The following NUP210 variants were observed in gnomAD, a reference collection of about 807,000 sequenced individuals.
NUP210 encodes nuclear pore membrane glycoprotein 210.
A neutral mutation model predicts 196.0 loss-of-function variants in NUP210; 151 were observed. The ratio of observed to expected loss-of-function variants is 0.77; its 90% CI spans 0.67 to 0.88. The LOEUF (loss-of-function observed/expected upper bound fraction) is 0.88, where lower values mean the gene tolerates loss of function less well. Among genes scored for constraint, NUP210 ranks in the 40% least tolerant of loss-of-function variants. The pLI, the probability that NUP210 is intolerant of heterozygous loss-of-function variation, is 0.00. For missense variants in NUP210, 2,314 were observed against 2,493.7 expected, an observed-to-expected ratio of 0.93 and a Z score of 1.53; for synonymous variants, 1,070 against 1,052.7, an observed-to-expected ratio of 1.02 and a Z score of -0.32.
intron 14 of NUP210, among the ~76,000 whole-genome samples, chr3:13,363,335 C>G (rs1053761739): frequency 3.5e-4 from 53 of 152,316 alleles, no homozygotes; most frequent in African/African-American, 1.2e-3. Context: ...ATGGCCACAA[C>G]CAATAAAACC....
intron 16 of NUP210, among the ~76,000 whole-genome samples, chr3:13,356,591 C>T (rs958239585): frequency 3.3e-5 from 5 of 151,998 alleles, no homozygotes; most frequent in Admixed American, 6.5e-5. Flanking sequence ...TGCAGTGAGC[C>T]GAGATTGCGC....
intron 20 of NUP210, among the ~76,000 whole-genome samples, chr3:13,346,325 C>A (rs1306188616): frequency 6.6e-6 from 1 of 152,236 alleles, no homozygotes; most frequent in Non-Finnish European, 1.5e-5. Flanking sequence ...CCTAACTACA[C>A]TGTGCATGCA....
intron 18 of NUP210, 118 bp from the exon 19 acceptor site, chr3:13,352,302 C>G (rs941829806): frequency 1.3e-5 from 9 of 686,804 alleles, no homozygotes; most frequent in Admixed American, 2.6e-5. Flanking sequence ...GCCCCTGGTG[C>G]TCCTGAGCCC....
At position 13,327,410 on chromosome 3, in the gene NUP210, G is replaced by A. The variant is rs1215640599; in HGVS notation, c.4314C>T (p.Gly1438=). 5.0e-6 allele frequency: 8 copies of A among 1,612,644 alleles called. No individual in the cohort carries two copies. Among genetic ancestry groups the A allele is most frequent in the Non-Finnish European group, 6.8e-6 (8 of 1,179,556 alleles). The change falls in exon 32 of 40, where the codon GGC becomes GGT. Residue 1438 remains glycine (G), a synonymous_variant. Transcript: ENST00000254508. The part of the protein sequence containing the change: ...NRDDFVQIGK[G]PTNNTCVVRT... Reference sequence around the variant, plus strand: ...GGACAACGCAGGTGTTGTTGGTGGGGCCCTTCCCGATCTGCACAAAGTCGT... The same window carrying A: ...GGACAACGCAGGTGTTGTTGGTGGGACCCTTCCCGATCTGCACAAAGTCGT...
At chr3:13,391,756 C>A (rs1699499986) in intron 3 of NUP210, among the ~76,000 whole-genome samples, 1 of 151,512 alleles carries the variant, frequency 6.6e-6, no homozygotes, top group African/African-American at 2.4e-5. Context: ...GGTGGAGGGG[C>A]ATTACCCAAA....
At position 13,317,248 on chromosome 3, in the gene NUP210, AC is replaced by A. The variant is rs1288421978; in HGVS notation, c.*432del. ...CACAGGGGGAAAAACCCCACCAAAA[AC>A]CCCCTAAAGTAACTGGACAATCCTT... On this transcript the variant is annotated 3_prime_UTR_variant, in exon 40 of 40. Transcript: ENST00000254508. 1.7e-5 allele frequency: 3 copies of A among 177,096 alleles called. No individual in the cohort carries two copies. The highest frequency in any genetic ancestry group is 1.1e-4 in the South Asian group (1 of 8,842). 11.0% of individuals were successfully genotyped at this position (177,096 alleles called of 1,614,324 possible). A position where few individuals can be genotyped will look rare whatever the true frequency, so the allele number is the denominator to read the frequency against.
intron 14 of NUP210, among the ~76,000 whole-genome samples, chr3:13,365,049 G>A (rs532426640): frequency 2.0e-4 from 30 of 152,236 alleles, no homozygotes; most frequent in Non-Finnish European, 3.7e-4. Context: ...CTGGAAGGAG[G>A]AGCAGGAACT....
rs1463896874 is a variant in NUP210, at chr3:13,378,901, C to T, written c.1045+11G>A. ...GCAGCATCCATGAGGGCCCAGGAGG[C>T]CCACACTCACCTAGGTATCCAGGTT... On this transcript the variant is annotated intron_variant, in intron 8 of 39. Transcript: ENST00000254508. 6.2e-7 allele frequency: 1 copy of T among 1,605,510 alleles called. No homozygotes were observed. Among genetic ancestry groups the T allele is most frequent in the Non-Finnish European group, 8.5e-7 (1 of 1,172,202 alleles).
intron 20 of NUP210, chr3:13,345,001 G>A (rs1409886053): frequency 1.0e-6 from 1 of 985,280 alleles, no homozygotes; most frequent in East Asian, 1.1e-4. Flanking sequence ...AGTGTTGATG[G>A]GACCCACAGT....
chr3:13,339,884 T>C lies in NUP210; in HGVS notation c.3441A>G (p.Ala1147=), dbSNP rs746144758. 8 of 1,613,898 alleles carry C rather than the reference T, an allele frequency of 5.0e-6. No individual in the cohort carries two copies. In the Admixed American group the frequency reaches 1.2e-4, roughly 24 times the overall value. ...AGATGATGACCACCTTGCCGGTCTC[T>C]GCATCCACTGCCTGCACGAGCCCAG... is the stretch of plus-strand genomic sequence containing the variant. ...TVSGLVQAVD[A]ETGKVVIISQ... The change falls in exon 25 of 40, where the codon GCA becomes GCG. Residue 1147 remains alanine (A), a synonymous_variant. Transcript: ENST00000254508.
chr3:13,346,073 CAG>C (rs1218840017), intron 20 of NUP210, among the ~76,000 whole-genome samples: 1 of 152,192 alleles, frequency 6.6e-6, no homozygotes, highest in Admixed American at 6.5e-5. Flanking sequence ...ACATTTTAAA[CAG>C]AGACATAAAA....
intron 26 of NUP210, 90 bp downstream of exon 26, chr3:13,337,747 G>C (rs1697274897): frequency 1.7e-6 from 2 of 1,200,378 alleles, no homozygotes; most frequent in Non-Finnish European, 2.4e-6. Flanking sequence ...CAGGCAGATG[G>C]AGGAGGTGGA....
At position 13,323,540 on chromosome 3, in the gene NUP210, C is replaced by T. The variant is rs73813539; in HGVS notation, c.4645-108G>A. On this transcript the variant is annotated intron_variant, in intron 33 of 39. Coordinates refer to ENST00000254508, the MANE Select transcript of NUP210 (RefSeq NM_024923.4). The surrounding 1 kb of genome is among the most constrained non-coding windows in gnomAD (Gnocchi z 4.3). ...GTCTGTGACATAGTGTCACCCGTTT[C>T]ACAGGTGGCAACACTGAGGCTCAAA... is the stretch of plus-strand genomic sequence containing the variant. 7.8e-3 allele frequency: 10,032 copies of T among 1,287,504 alleles called. 525 individuals carry two copies. In the African/African-American group the frequency reaches 0.13, roughly 16 times the overall value. The allele number at this position is 1,287,504 out of a possible 1,614,324, so 79.8% of individuals were successfully genotyped here.
chr3:13,415,513 T>C (rs998283958), intron 1 of NUP210, among the ~76,000 whole-genome samples: 5 of 152,090 alleles, frequency 3.3e-5, no homozygotes, highest in Admixed American at 1.3e-4. Context: ...CCTAGGTGTG[T>C]GGGGATGCAG....
chr3:13,412,902 C>T (rs1394719937), intron 1 of NUP210, among the ~76,000 whole-genome samples: 2 of 151,632 alleles, frequency 1.3e-5, no homozygotes, highest in African/African-American at 4.8e-5. Context: ...ACCCAGGAGG[C>T]GGAGCTTGCA....
chr3:13,367,802 G>C (rs1041792762), intron 13 of NUP210, among the ~76,000 whole-genome samples: 8 of 152,168 alleles, frequency 5.3e-5, no homozygotes, highest in East Asian at 3.9e-4. Context: ...GCAATAGACT[G>C]ACCCATGCTA....
intron 1 of NUP210, among the ~76,000 whole-genome samples, chr3:13,404,689 A>T (rs1426132583): frequency 1.3e-5 from 2 of 152,232 alleles, no homozygotes; most frequent in Non-Finnish European, 2.9e-5. Flanking sequence ...GCCACGCAGA[A>T]GCGCCCTCCC....
In NUP210 at chr3:13,358,234, C is replaced by T; in HGVS notation, c.2316G>A (p.Gln772=). 2 of 1,607,800 alleles carry T rather than the reference C, an allele frequency of 1.2e-6. No individual in the cohort carries two copies. The highest frequency in any genetic ancestry group is 2.2e-5 in the East Asian group (1 of 44,748). Residue 772 remains glutamine, a synonymous_variant, in exon 16 of 40, where the codon CAG becomes CAA. Coordinates refer to ENST00000254508, the MANE Select transcript of NUP210 (RefSeq NM_024923.4). ...QLDMSCPLLQ[Q]NKQVVPVSSH... Reference sequence around the variant, plus strand: ...AGCCCACACTCACCACCTGCTTGTTCTGCTGCAGCAGCGGACAGGACATGT... The same window carrying T: ...AGCCCACACTCACCACCTGCTTGTTTTGCTGCAGCAGCGGACAGGACATGT...
At chr3:13,341,558 T>A (rs140179353) in intron 23 of NUP210, among the ~76,000 whole-genome samples, 190 bp downstream of exon 23, 3 of 152,366 alleles carry the variant, frequency 2.0e-5, no homozygotes, top group Non-Finnish European at 4.4e-5. Flanking sequence ...TCCCTCTGGT[T>A]CTGCCAGTCT....
Sources: allele counts gnomAD v4.1 joint callset (sites outside exome capture counted in the v4.1 genomes callset), GRCh38; gene constraint gnomAD v4.1.1; non-coding constraint Gnocchi (gnomAD v3.1); transcripts MANE v1.5; gene names NCBI Gene and HGNC (gene_info 2026-07-23, HGNC 2026-07-21).